Variants in DPYD observed in about 807,000 individuals in gnomAD.
DPYD encodes dihydropyrimidine dehydrogenase.
A neutral mutation model predicts 116.2 loss-of-function variants in DPYD; 109 were observed. That is an observed-to-expected ratio of 0.94 (90% CI 0.80 to 1.10). The LOEUF (loss-of-function observed/expected upper bound fraction) is 1.10. Ranked by LOEUF, DPYD falls within the 50% of genes least tolerant of loss-of-function variation. The pLI, the probability that DPYD is intolerant of heterozygous loss-of-function variation, is 0.00. For synonymous variants in DPYD, 440 were observed against 432.0 expected (o/e 1.02, Z -0.23); for missense variants, 1,302 against 1,254.5 (o/e 1.04, Z -0.57).
rs1570418503 is a variant in DPYD at position 97,078,716 on chromosome 1, T to C, written c.*260A>G. 1 of 467,722 alleles carries C rather than the reference T, an allele frequency of 2.1e-6. No individual in the cohort carries two copies. Among genetic ancestry groups the C allele is most frequent in the African/African-American group, 2.0e-5 (1 of 50,894 alleles). 29.0% of individuals were successfully genotyped at this position (467,722 alleles called of 1,614,324 possible). A position where few individuals can be genotyped will look rare whatever the true frequency, so the allele number is the denominator to read the frequency against. On this transcript the variant is annotated 3_prime_UTR_variant, in exon 23 of 23. Coordinates refer to ENST00000370192, the MANE Select transcript of DPYD (RefSeq NM_000110.4). The stretch of plus-strand genomic sequence containing the variant: ...ATTTTTCACATAAGACAACTGGCAG[T>C]GAACATCCAATTAACTGCCACACAG...
Position 97,284,212 on chromosome 1 carries a change from C to G in DPYD, c.2299+21047G>C, listed in dbSNP as rs114146095. 6.9e-3 allele frequency among the ~76,000 whole-genome samples: 1,057 copies of G among 152,090 alleles called. 21 individuals carry two copies. The highest frequency in any genetic ancestry group is 0.024 in the African/African-American group (995 of 41,490). On this transcript the variant is annotated intron_variant, in intron 18 of 22. Transcript: ENST00000370192. ...CACAACAATATTAAATAACAATGTT[C>G]ATGGTATATATCTTTGTCTTGACTT...
chr1:97,828,362 A>G (rs1039877863), intron 2 of DPYD, among the ~76,000 whole-genome samples, 166 bp from the exon 3 acceptor site: 7 of 152,254 alleles, frequency 4.6e-5, no homozygotes, highest in Admixed American at 2.6e-4. Flanking sequence ...TAAATCCAAC[A>G]GTAACAAAAT....
intron 8 of DPYD, among the ~76,000 whole-genome samples, chr1:97,605,949 G>A (rs1655568133): frequency 6.6e-6 from 1 of 151,918 alleles, no homozygotes; most frequent in Non-Finnish European, 1.5e-5. Context: ...GAAAACTATG[G>A]ACACTTTAAA....
intron 3 of DPYD, among the ~76,000 whole-genome samples, chr1:97,768,205 A>C (rs1665966498): frequency 6.6e-6 from 1 of 152,120 alleles, no homozygotes. Context: ...ATTTTTTTAA[A>C]TACTTGGAGC....
At chr1:97,842,879 T>G (rs1262166309) in intron 2 of DPYD, among the ~76,000 whole-genome samples, 4 of 152,106 alleles carry the variant, frequency 2.6e-5, no homozygotes, top group African/African-American at 9.6e-5. Flanking sequence ...AGTACATTTT[T>G]TAGTTCTCAT....
chr1:97,194,653 C>T (rs2101827969), intron 19 of DPYD, among the ~76,000 whole-genome samples: 1 of 152,074 alleles, frequency 6.6e-6, no homozygotes, highest in African/African-American at 2.4e-5. Context: ...TACAGGGACA[C>T]ACCACCATGT....
At chr1:97,447,149 A>G (rs551850150) in intron 14 of DPYD, among the ~76,000 whole-genome samples, 3 of 152,314 alleles carry the variant, frequency 2.0e-5, no homozygotes, top group African/African-American at 7.2e-5. Context: ...TTAGCTACTG[A>G]TATTAGCTGA....
chr1:97,615,639 A>C, intron 8 of DPYD, among the ~76,000 whole-genome samples: 1 of 152,130 alleles, frequency 6.6e-6, no homozygotes, highest in East Asian at 1.9e-4. Context: ...TGACAAAAAA[A>C]TAACCTCCCA....
chr1:97,198,857 C>A (rs1219606744), intron 19 of DPYD, among the ~76,000 whole-genome samples: 1 of 152,006 alleles, frequency 6.6e-6, no homozygotes, highest in Non-Finnish European at 1.5e-5. Flanking sequence ...TAAAGAGAGG[C>A]CCCTAGATTC....
chr1:97,244,393 A>C (rs1438350622), intron 18 of DPYD, among the ~76,000 whole-genome samples: 3 of 152,030 alleles, frequency 2.0e-5, no homozygotes, highest in Non-Finnish European at 4.4e-5. Context: ...ACCCGACAAC[A>C]CAGCAGTTTA....
At chr1:97,133,202 C>T (rs1242749287) in intron 20 of DPYD, among the ~76,000 whole-genome samples, 5 of 151,778 alleles carry the variant, frequency 3.3e-5, no homozygotes, top group African/African-American at 4.8e-5. Context: ...ATATTTTTCC[C>T]GAAATCTGTT....
chr1:97,883,998 A>G (rs759467214), intron 1 of DPYD: 9 of 294,874 alleles, frequency 3.1e-5, no homozygotes, highest in Non-Finnish European at 5.8e-5. Context: ...GAGAAGATAT[A>G]CTTGTCTTAG....
At chr1:97,372,882 CT>C (rs1374221939) in intron 16 of DPYD, among the ~76,000 whole-genome samples, 1 of 152,154 alleles carries the variant, frequency 6.6e-6, no homozygotes, top group Non-Finnish European at 1.5e-5. Context: ...TCCTTCTGGG[CT>C]TAAAAGGTAA....
intron 10 of DPYD, among the ~76,000 whole-genome samples, chr1:97,579,001 G>A (rs144906198): frequency 2.0e-5 from 3 of 152,238 alleles, no homozygotes; most frequent in East Asian, 1.9e-4. Context: ...AAGTTTGTTC[G>A]ATAGTAAACT....
intron 4 of DPYD, among the ~76,000 whole-genome samples, chr1:97,733,112 CT>C (rs1273806646): frequency 1.3e-5 from 2 of 151,918 alleles, no homozygotes; most frequent in Non-Finnish European, 2.9e-5. Flanking sequence ...CATTAGTATA[CT>C]AGAGTAATTA....
chr1:97,526,581 CA>C (rs904455000), intron 12 of DPYD, among the ~76,000 whole-genome samples: 126 of 152,308 alleles, frequency 8.3e-4, no homozygotes, highest in African/African-American at 2.9e-3. Flanking sequence ...TCTCCAGTAA[CA>C]TGAGTTCTTT....
rs1673812156 is a variant in DPYD at position 97,408,776 on chromosome 1, A to G, written c.1906-26315T>C. On this transcript the variant is annotated intron_variant, in intron 14 of 22. Transcript: ENST00000370192. ...CATCTGATCAGCTTCCAGCATGACT[A>G]GAATAAAGCAGGCAGAAGAAGGTGG... Among the ~76,000 whole-genome samples the G allele has an allele frequency of 2.0e-5, 3 of 152,196 alleles. No individual in the cohort carries two copies. In the East Asian group the frequency reaches 5.8e-4, roughly 29 times the overall value.
chr1:97,312,790 T>TA (rs1257393756), intron 16 of DPYD, among the ~76,000 whole-genome samples: 1 of 151,896 alleles, frequency 6.6e-6, no homozygotes, highest in Non-Finnish European at 1.5e-5. Flanking sequence ...TTGAATGTGG[T>TA]ATAATCGGGT....
chr1:97,728,396 G>A (rs1422539694), intron 4 of DPYD, among the ~76,000 whole-genome samples: 1 of 151,964 alleles, frequency 6.6e-6, no homozygotes, highest in East Asian at 1.9e-4. Flanking sequence ...ATTACAGCAT[G>A]AAACTGCATT....
Sources: allele counts gnomAD v4.1 joint callset (sites outside exome capture counted in the v4.1 genomes callset), GRCh38; gene constraint gnomAD v4.1.1; transcripts MANE v1.5; gene names NCBI Gene and HGNC (gene_info 2026-07-23, HGNC 2026-07-21).